Variants in ATOX1 observed in about 807,000 individuals in gnomAD.
ATOX1 encodes copper transport protein ATOX1.
ATOX1 carries 4 observed loss-of-function variants against 7.3 expected under a neutral mutation model. That is an observed-to-expected ratio of 0.55 (90% CI 0.27 to 1.25). The LOEUF (loss-of-function observed/expected upper bound fraction) is 1.25, where lower values mean the gene tolerates loss of function less well. ATOX1 is among the 50% of genes most tolerant of loss of function. The probability of loss-of-function intolerance (pLI) is 0.12; values close to 1 mark genes in which losing one functional copy is unlikely to be tolerated. For synonymous variants in ATOX1, 25 were observed against 28.7 expected (o/e 0.87, Z 0.41); for missense variants, 68 against 81.6 (o/e 0.83, Z 0.64).
chr5:151,755,926 A>T (rs1453690540), intron 1 of ATOX1, among the ~76,000 whole-genome samples: 1 of 150,526 alleles, frequency 6.6e-6, no homozygotes, highest in African/African-American at 2.4e-5. Flanking sequence ...AAAGTCAGTA[A>T]GTGGGATGAT....
intron 2 of ATOX1, among the ~76,000 whole-genome samples, chr5:151,751,226 A>C (rs1286179715): frequency 6.7e-6 from 1 of 149,254 alleles, no homozygotes; most frequent in African/African-American, 2.5e-5. Flanking sequence ...ATTGCACTCC[A>C]GGCTGAGCAA....
chr5:151,747,067 C>A (rs975195875), intron 2 of ATOX1, among the ~76,000 whole-genome samples: 1 of 143,020 alleles, frequency 7.0e-6, no homozygotes, highest in Non-Finnish European at 1.5e-5. Context: ...GTAATATAGA[C>A]ACTTTTTTTT....
chr5:151,752,939 G>T (rs76325914), intron 1 of ATOX1, among the ~76,000 whole-genome samples: 1 of 151,990 alleles, frequency 6.6e-6, no homozygotes, highest in African/African-American at 2.4e-5. Flanking sequence ...CACATGTCTC[G>T]GGTTGGTCTG....
At chr5:151,754,773 C>G (rs762475400) in intron 1 of ATOX1, among the ~76,000 whole-genome samples, 7 of 151,920 alleles carry the variant, frequency 4.6e-5, no homozygotes, top group Non-Finnish European at 1.0e-4. Flanking sequence ...ATCACGAGGT[C>G]AAGAGATCGA....
At chr5:151,753,796 G>A (rs948192992) in intron 1 of ATOX1, 1 of 152,144 alleles carries the variant, frequency 6.6e-6, no homozygotes, top group East Asian at 1.9e-4. Context: ...GGGAGAGAAC[G>A]GGAGGCAAAA....
At chr5:151,751,976 G>A in intron 1 of ATOX1, 197 bp from the exon 2 acceptor site, 1 of 605,206 alleles carries the variant, frequency 1.7e-6, no homozygotes, top group Non-Finnish European at 2.9e-6. Context: ...TACCTCACAA[G>A]TTGTATTCAA....
chr5:151,751,715 T>A lies in ATOX1; in HGVS notation c.71A>T (p.Asn24Ile). 1 of 1,606,822 alleles carries A rather than the reference T, an allele frequency of 6.2e-7. No homozygotes were observed. The highest frequency in any genetic ancestry group is 2.2e-5 in the East Asian group (1 of 44,708). ...GCAEAVSRVL[N>I]KLGGVKYDID... ...GGCCACTCACTCACCTCCAAGCTTA[T>A]TGAGGACCCGAGAGACAGCTTCAGC... The change falls in exon 2 of 4, where the codon AAT becomes ATT. Residue 24 changes from asparagine to isoleucine, a missense_variant. Coordinates refer to ENST00000313115, the MANE Select transcript of ATOX1 (RefSeq NM_004045.4).
chr5:151,750,306 C>G (rs1290641311), intron 2 of ATOX1, among the ~76,000 whole-genome samples: 1 of 152,086 alleles, frequency 6.6e-6, no homozygotes, highest in African/African-American at 2.4e-5. Flanking sequence ...GCCTGTAACC[C>G]TAGCACTTTG....
intron 2 of ATOX1, among the ~76,000 whole-genome samples, chr5:151,747,434 T>A (rs1189105702): frequency 6.6e-6 from 1 of 151,870 alleles, no homozygotes; most frequent in African/African-American, 2.4e-5. Context: ...TACAGGCACA[T>A]GCCACTATGC....
At chr5:151,750,009 T>C (rs1216373378) in intron 2 of ATOX1, among the ~76,000 whole-genome samples, 1 of 152,208 alleles carries the variant, frequency 6.6e-6, no homozygotes, top group Non-Finnish European at 1.5e-5. Flanking sequence ...ATTTGAAAAC[T>C]TAATGTCATT....
At position 151,747,678 on chromosome 5, in the gene ATOX1, G is replaced by A. The variant is rs575960532; in HGVS notation, c.83-1229C>T. ...CTCAGCTCATTGTAGCCTGACTCCC[G>A]GGTTCAAGCGATTCTTCTGCCTCAG... On this transcript the variant is annotated intron_variant, in intron 2 of 3. Coordinates refer to ENST00000313115, the MANE Select transcript of ATOX1 (RefSeq NM_004045.4). Among the ~76,000 whole-genome samples, 9 of 151,872 alleles carry A rather than the reference G, an allele frequency of 5.9e-5. No individual in the cohort carries two copies. In the South Asian group the frequency reaches 1.2e-3, roughly 21 times the overall value.
intron 1 of ATOX1, among the ~76,000 whole-genome samples, chr5:151,758,328 C>G (rs1762040437): frequency 6.6e-6 from 1 of 152,260 alleles, no homozygotes; most frequent in African/African-American, 2.4e-5. Flanking sequence ...CCTTCCAGCT[C>G]CGACGTTTTG....
Position 151,758,585 on chromosome 5 carries a change from C to T in ATOX1, c.-34G>A. On this transcript the variant is annotated 5_prime_UTR_variant, in exon 1 of 4. Transcript: ENST00000313115. Reference sequence around the variant, plus strand: ...CAGCGGCGGTGTGGCGGCGGTGTGGCGGCGGTGTCAGCAGCGCCTCTCTGG... The same window carrying T: ...CAGCGGCGGTGTGGCGGCGGTGTGGTGGCGGTGTCAGCAGCGCCTCTCTGG... The T allele has an allele frequency of 2.1e-6, 3 of 1,414,324 alleles. No individual in the cohort carries two copies. Among genetic ancestry groups the T allele is most frequent in the Non-Finnish European group, 2.8e-6 (3 of 1,078,192 alleles). 87.6% of individuals were successfully genotyped at this position (1,414,324 alleles called of 1,614,324 possible). A position where few individuals can be genotyped will look rare whatever the true frequency, so the allele number is the denominator to read the frequency against.
At chr5:151,755,029 A>C (rs1761997163) in intron 1 of ATOX1, among the ~76,000 whole-genome samples, 1 of 151,378 alleles carries the variant, frequency 6.6e-6, no homozygotes, top group South Asian at 2.1e-4. Context: ...AACTACAGCC[A>C]AACTCATTTG....
chr5:151,757,813 CT>C (rs1299949484), intron 1 of ATOX1, among the ~76,000 whole-genome samples: 1 of 152,196 alleles, frequency 6.6e-6, no homozygotes, highest in African/African-American at 2.4e-5. Flanking sequence ...AGTTACTGGG[CT>C]TTTTATATTT....
chr5:151,754,287 A>G (rs899581214), intron 1 of ATOX1, among the ~76,000 whole-genome samples: 6 of 152,168 alleles, frequency 3.9e-5, no homozygotes, highest in Non-Finnish European at 4.4e-5. Flanking sequence ...CCCACATTAC[A>G]GTCTGAGATG....
intron 2 of ATOX1, among the ~76,000 whole-genome samples, chr5:151,748,392 C>T (rs1761903939): frequency 1.3e-5 from 2 of 152,098 alleles, no homozygotes; most frequent in African/African-American, 4.8e-5. Flanking sequence ...CTTTCCAGCT[C>T]AAGGATGCCA....
chr5:151,743,676 C>A (rs1199837470), intron 3 of ATOX1: 4 of 152,144 alleles, frequency 2.6e-5, no homozygotes, highest in African/African-American at 9.7e-5. Flanking sequence ...TGTTTCATCA[C>A]CCAGATGAAA....
At chr5:151,758,396 G>C in intron 1 of ATOX1, 150 bp downstream of exon 1, 1 of 1,275,680 alleles carries the variant, frequency 7.8e-7, no homozygotes, top group Non-Finnish European at 1.0e-6. Context: ...GGTCGCAAAA[G>C]CTGGGGGCTG....
Sources: gnomAD v4.1 joint callset for allele counts (sites outside exome capture counted in the v4.1 genomes callset) on GRCh38, gnomAD v4.1.1 for gene constraint, MANE v1.5 for transcripts, NCBI Gene and HGNC (gene_info 2026-07-23, HGNC 2026-07-21) for gene names.